LRP1B: variants seen among roughly 807,000 people sequenced by gnomAD.
LRP1B encodes the protein LDL receptor related protein 1B.
Under a neutral mutation model 556.6 loss-of-function variants are expected in LRP1B, and 217 were observed. That is an observed-to-expected ratio of 0.39 (90% CI 0.35 to 0.44). The LOEUF is 0.44. Ranked by LOEUF, LRP1B falls within the 20% of genes least tolerant of loss-of-function variation. LRP1B has a pLI of 1.00. For missense variants in LRP1B, 5,053 were observed against 5,620.8 expected, an observed-to-expected ratio of 0.90 and a Z score of 3.23; for synonymous variants, 2,047 against 1,865.8, an observed-to-expected ratio of 1.10 and a Z score of -2.50.
chr2:140,335,919 T>C (rs1474655987), intron 77 of LRP1B, 81 bp from the exon 78 acceptor site: 9 of 838,906 alleles, frequency 1.1e-5, no homozygotes, highest in South Asian at 1.4e-5. Context: ...ATTGAAGTTA[T>C]GGGGGAATTG....
intron 41 of LRP1B, among the ~76,000 whole-genome samples, chr2:140,628,537 G>GA (rs71408464): frequency 0.25 from 34,833 of 138,240 alleles, 4,624 homozygotes; most frequent in African/African-American, 0.31. Context: ...ACTCTGTCTC[G>GA]AAAAAAAAAA....
At chr2:140,414,766 G>A (rs564085894) in intron 66 of LRP1B, among the ~76,000 whole-genome samples, 27 of 152,074 alleles carry the variant, frequency 1.8e-4, no homozygotes, top group Non-Finnish European at 1.3e-4. Flanking sequence ...ATTGTAAAAC[G>A]TGTGTTTGAA....
intron 2 of LRP1B, among the ~76,000 whole-genome samples, chr2:141,709,096 A>T (rs2105474943): frequency 6.6e-6 from 1 of 152,204 alleles, no homozygotes; most frequent in African/African-American, 2.4e-5. Context: ...CGTGCTTGTA[A>T]TCACAGTACT....
At chr2:140,799,704 G>A (rs1690437866) in intron 32 of LRP1B, among the ~76,000 whole-genome samples, 1 of 152,156 alleles carries the variant, frequency 6.6e-6, no homozygotes, top group Non-Finnish European at 1.5e-5. Context: ...ATATCTATAG[G>A]ACAGATTCCT....
At chr2:141,203,944 C>T (rs773355745) in intron 6 of LRP1B, among the ~76,000 whole-genome samples, 2 of 152,030 alleles carry the variant, frequency 1.3e-5, no homozygotes, top group Non-Finnish European at 2.9e-5. Context: ...GGGTAAATAA[C>T]GAAATGAAGG....
intron 40 of LRP1B, among the ~76,000 whole-genome samples, chr2:140,701,505 T>C (rs566554769): frequency 2.0e-5 from 3 of 152,246 alleles, no homozygotes; most frequent in African/African-American, 4.8e-5. Flanking sequence ...AACATGTCCA[T>C]GTACCTGTGC....
chr2:141,373,865 T>G (rs1393207414), intron 3 of LRP1B, among the ~76,000 whole-genome samples: 1 of 152,066 alleles, frequency 6.6e-6, no homozygotes, highest in Non-Finnish European at 1.5e-5. Context: ...TGTTTTATTT[T>G]GGTATTTATG....
intron 31 of LRP1B, among the ~76,000 whole-genome samples, chr2:140,816,208 C>T (rs74815666): frequency 6.6e-6 from 1 of 151,966 alleles, no homozygotes; most frequent in Admixed American, 6.6e-5. Context: ...ACCTCCACCT[C>T]CTGTGTTCAA....
chr2:140,907,959 G>A lies in LRP1B; in HGVS notation c.3438C>T (p.Asp1146=). 6.2e-7 allele frequency: 1 copy of A among 1,613,588 alleles called. No homozygotes were observed. Among genetic ancestry groups the A allele is most frequent in the Non-Finnish European group, 8.5e-7 (1 of 1,179,712 alleles). ...CGPPKHPCAN[D]TSVCLQPEKL... ...TCTCTGGCTGCAGGCAGACTGAGGTGTCATTAGCACAAGGATGCTTGGGTG... is the reference window on the plus strand; with the variant it reads ...TCTCTGGCTGCAGGCAGACTGAGGTATCATTAGCACAAGGATGCTTGGGTG... The change falls in exon 22 of 91, where the codon GAC becomes GAT. Residue 1146 remains aspartate (D), a synonymous_variant. Transcript: ENST00000389484.
rs532072180 is a variant in LRP1B, at chr2:141,596,146, T to A, written c.206-115613A>T. Among the ~76,000 whole-genome samples the A allele has an allele frequency of 3.9e-5, 6 of 152,148 alleles. No homozygotes were observed. The South Asian group carries it at 1.0e-3, about 26-fold the overall frequency. ...GTTTATATTTTCTAAATTTAGATAC[T>A]ACCCTAGCTACTCCGATCCTTACCC... is the stretch of plus-strand genomic sequence containing the variant. On this transcript the variant is annotated intron_variant, in intron 2 of 90. Transcript: ENST00000389484.
chr2:140,628,842 A>G (rs192491167), intron 41 of LRP1B, among the ~76,000 whole-genome samples: 1 of 152,148 alleles, frequency 6.6e-6, no homozygotes, highest in East Asian at 1.9e-4. Flanking sequence ...ATGAGTTCTC[A>G]TGAGATCTGT....
intron 2 of LRP1B, among the ~76,000 whole-genome samples, chr2:141,774,872 G>A (rs1695011073): frequency 6.6e-6 from 1 of 152,144 alleles, no homozygotes; most frequent in Admixed American, 6.5e-5. Flanking sequence ...TTTAGCTGCA[G>A]CCATGGCGAC....
chr2:140,286,362 A>T (rs1256122654), intron 84 of LRP1B, among the ~76,000 whole-genome samples: 2 of 151,856 alleles, frequency 1.3e-5, no homozygotes, highest in Admixed American at 6.6e-5. Flanking sequence ...GGGAGACTGG[A>T]AAGGAAAATC....
At chr2:140,861,604 T>C (rs965397697) in intron 27 of LRP1B, among the ~76,000 whole-genome samples, 1 of 152,206 alleles carries the variant, frequency 6.6e-6, no homozygotes, top group Non-Finnish European at 1.5e-5. Context: ...GAAGGTATTT[T>C]TTTTGGAATT....
At chr2:140,248,461 ACTT>A (rs1681263004) in intron 86 of LRP1B, among the ~76,000 whole-genome samples, 2 of 151,668 alleles carry the variant, frequency 1.3e-5, no homozygotes, top group South Asian at 4.2e-4. Context: ...CATTAGCTCA[ACTT>A]TTGTTACATC....
intron 11 of LRP1B, among the ~76,000 whole-genome samples, chr2:141,028,215 AATAAT>A (rs1207947949): frequency 1.6e-4 from 25 of 151,988 alleles, no homozygotes; most frequent in Admixed American, 9.8e-4. Flanking sequence ...AAATGATATT[AATAAT>A]ATATTTTATA....
chr2:141,840,106 C>A (rs1232745506), intron 1 of LRP1B, among the ~76,000 whole-genome samples: 1 of 151,722 alleles, frequency 6.6e-6, no homozygotes, highest in Non-Finnish European at 1.5e-5. Context: ...ACTTTTCATA[C>A]AAATTAATCA....
At chr2:140,469,442 G>A (rs945239171) in intron 60 of LRP1B, among the ~76,000 whole-genome samples, 2 of 152,122 alleles carry the variant, frequency 1.3e-5, no homozygotes, top group African/African-American at 4.8e-5. Flanking sequence ...CCAGCCAATA[G>A]TATTCTGTTA....
In LRP1B at chr2:141,556,137, T is replaced by G. The variant is rs957813191; in HGVS notation, c.206-75604A>C. On this transcript the variant is annotated intron_variant, in intron 2 of 90. Transcript: ENST00000389484. ...TTTCCTGTTATCCATTAATATTAAA[T>G]CTTGTGGTTCACTAGGGACTACCAC... Among the ~76,000 whole-genome samples the G allele has an allele frequency of 3.9e-5, 6 of 151,982 alleles. No individual in the cohort carries two copies. The East Asian group carries it at 1.2e-3, about 29-fold the overall frequency.
Sources: gnomAD v4.1 joint callset for allele counts (sites outside exome capture counted in the v4.1 genomes callset) on GRCh38, gnomAD v4.1.1 for gene constraint, MANE v1.5 for transcripts, NCBI Gene and HGNC (gene_info 2026-07-23, HGNC 2026-07-21) for gene names.